The following PATE2 variants were observed in gnomAD, a reference collection of about 807,000 sequenced individuals.
The protein encoded by PATE2 is prostate and testis expressed protein 2.
A neutral mutation model predicts 10.5 loss-of-function variants in PATE2; 7 were observed. That is an observed-to-expected ratio of 0.66 (90% CI 0.38 to 1.25). The LOEUF (loss-of-function observed/expected upper bound fraction) is 1.25, where lower values mean the gene tolerates loss of function less well. Among genes scored for constraint, PATE2 ranks in the 50% most tolerant of loss-of-function variants. The pLI, the probability that PATE2 is intolerant of heterozygous loss-of-function variation, is 0.02. For missense variants in PATE2, 133 were observed against 135.4 expected, an observed-to-expected ratio of 0.98 and a Z score of 0.09; for synonymous variants, 44 against 46.9, an observed-to-expected ratio of 0.94 and a Z score of 0.25.
chr11:125,778,013 C>CA lies in PATE2; in HGVS notation c.77-12dup. On this transcript the variant is annotated splice_polypyrimidine_tract_variant and intron_variant, in intron 2 of 3. Coordinates refer to ENST00000358524, the MANE Select transcript of PATE2 (RefSeq NM_212555.3). ...ACATTATTTCAGTCGCTGCCAGATA[C>CA]AAAAAGAGGTGCTTAGAGGATGCAG... 1 of 1,611,420 alleles carries CA rather than the reference C, an allele frequency of 6.2e-7. No homozygotes were observed. The highest frequency in any genetic ancestry group is 8.5e-7 in the Non-Finnish European group (1 of 1,179,016).
chr11:125,778,560 G>C lies in PATE2; in HGVS notation c.68C>G (p.Pro23Arg). The change falls in exon 2 of 4, where the codon CCT (proline) becomes CGT (arginine). Residue 23 changes from proline (P) to arginine (R), a missense_variant. Transcript: ENST00000358524. ...LCPYWGELHD[P>R]IKATEIMCYE... Reference sequence around the variant, plus strand: ...AGAAGCCATGATTGTACCTTTTATAGGGTCATGAAGTTCACCTGTGAAAAG... The same window carrying C: ...AGAAGCCATGATTGTACCTTTTATACGGTCATGAAGTTCACCTGTGAAAAG... 6.2e-7 allele frequency: 1 copy of C among 1,613,478 alleles called. No individual in the cohort carries two copies. The highest frequency in any genetic ancestry group is 8.5e-7 in the Non-Finnish European group (1 of 1,179,580).
chr11:125,777,335 G>T lies in PATE2; in HGVS notation c.*47C>A. 6.3e-7 allele frequency: 1 copy of T among 1,596,512 alleles called. No individual in the cohort carries two copies. The highest frequency in any genetic ancestry group is 8.6e-7 in the Non-Finnish European group (1 of 1,166,624). ...AATTCAGGTTCAGGGAAGAGAAAAA[G>T]AGCGTAGTGGTTGAAAAAGAACCCA... On this transcript the variant is annotated 3_prime_UTR_variant, in exon 4 of 4. Coordinates refer to ENST00000358524, the MANE Select transcript of PATE2 (RefSeq NM_212555.3).
Position 125,778,691 on chromosome 11 carries a change from C to T in PATE2, c.52+31G>A. 5 of 1,613,446 alleles carry T rather than the reference C, an allele frequency of 3.1e-6. No individual in the cohort carries two copies. In the East Asian group the frequency reaches 1.1e-4, roughly 36 times the overall value. ...AGCATCTGTCCGTCTCTTAACCAAC[C>T]ACCAGCTTCCCCTCTGTCTCCAGGA... is the stretch of plus-strand genomic sequence containing the variant. On this transcript the variant is annotated intron_variant, in intron 1 of 3. Transcript: ENST00000358524.
At chr11:125,777,601 T>G (rs1943498190) in intron 3 of PATE2, 83 bp from the exon 4 acceptor site, 1 of 1,543,024 alleles carries the variant, frequency 6.5e-7, no homozygotes, top group Non-Finnish European at 8.9e-7. Context: ...TGTTTTTGTG[T>G]CCTCACTAAC....
At position 125,778,585 on chromosome 11, in the gene PATE2, G is replaced by C. The variant is rs1229917107; in HGVS notation, c.53-10C>G. 1.2e-6 allele frequency: 2 copies of C among 1,613,366 alleles called. No individual in the cohort carries two copies. Among genetic ancestry groups the C allele is most frequent in the African/African-American group, 1.3e-5 (1 of 74,984 alleles). ...GGGTCATGAAGTTCACCTGTGAAAA[G>C]AAGAAAAACCTTCCATGTTACAGTC... On this transcript the variant is annotated splice_polypyrimidine_tract_variant and intron_variant, in intron 1 of 3. Transcript: ENST00000358524.
Position 125,776,625 on chromosome 11 carries a change from A to G in PATE2, c.*757T>C, listed in dbSNP as rs1471284613. The G allele has an allele frequency of 6.6e-6, 1 of 152,232 alleles. No individual in the cohort carries two copies. The highest frequency in any genetic ancestry group is 1.5e-5 in the Non-Finnish European group (1 of 68,072). The allele number at this position is 152,232 out of a possible 1,614,324, so 9.4% of individuals were successfully genotyped here. A position where few individuals can be genotyped will look rare whatever the true frequency, so the allele number is the denominator to read the frequency against. On this transcript the variant is annotated 3_prime_UTR_variant, in exon 4 of 4. Transcript: ENST00000358524. ...TTTGTTTGCTCAGTCCCATGAGAAG[A>G]ACCTGACTAGCCATCCTTAAAAAAA...
At chr11:125,778,601 T>C (rs775654282) in intron 1 of PATE2, 26 bp from the exon 2 acceptor site, 4 of 1,613,072 alleles carry the variant, frequency 2.5e-6, no homozygotes, top group East Asian at 2.2e-5. Context: ...AAACCTTCCA[T>C]GTTACAGTCT....
intron 2 of PATE2, 61 bp downstream of exon 2, chr11:125,778,491 G>A: frequency 6.5e-7 from 1 of 1,547,056 alleles, no homozygotes; most frequent in Non-Finnish European, 8.9e-7. Context: ...GGAAAGGTTT[G>A]CTCCTAAACA....
rs571707296 is a variant in PATE2, at chr11:125,776,415, C to G, written c.*967G>C. On this transcript the variant is annotated 3_prime_UTR_variant, in exon 4 of 4. Transcript: ENST00000358524. ...AATGCTACTCAGTTTCTCTTCCTAT[C>G]TGTTTCTGTGTCTTCCTTCTTCTCT... The G allele has an allele frequency of 6.6e-6, 1 of 152,368 alleles. No homozygotes were observed. Among genetic ancestry groups the G allele is most frequent in the Non-Finnish European group, 1.5e-5 (1 of 68,090 alleles). 9.4% of individuals were successfully genotyped at this position (152,368 alleles called of 1,614,324 possible).
intron 3 of PATE2, 117 bp from the exon 4 acceptor site, chr11:125,777,635 C>A: frequency 7.4e-7 from 1 of 1,350,530 alleles, no homozygotes; most frequent in Non-Finnish European, 1.0e-6. Flanking sequence ...CAAATGAGTT[C>A]CAAAGCTGAG....
At position 125,777,014 on chromosome 11, in the gene PATE2, GA is replaced by G; in HGVS notation, c.*367del. The G allele has an allele frequency of 6.1e-6, 1 of 163,520 alleles. No homozygotes were observed. Among genetic ancestry groups the G allele is most frequent in the South Asian group, 1.8e-4 (1 of 5,484 alleles). The allele number at this position is 163,520 out of a possible 1,614,324, so 10.1% of individuals were successfully genotyped here. A position where few individuals can be genotyped will look rare whatever the true frequency, so the allele number is the denominator to read the frequency against. On this transcript the variant is annotated 3_prime_UTR_variant, in exon 4 of 4. Coordinates refer to ENST00000358524, the MANE Select transcript of PATE2 (RefSeq NM_212555.3). The stretch of plus-strand genomic sequence containing the variant: ...AACGGAGAGGAGTGTGTGTGTAGAT[GA>G]GGATAGAGGATAGTCACAGAATTCT...
At position 125,777,191 on chromosome 11, in the gene PATE2, G is replaced by C. The variant is rs1046603303; in HGVS notation, c.*191C>G. ...AGCGACAGGGATGTGCAAAGAGTGA[G>C]TCTAGTGCTCCATCATCAATAGGCT... On this transcript the variant is annotated 3_prime_UTR_variant, in exon 4 of 4. Coordinates refer to ENST00000358524, the MANE Select transcript of PATE2 (RefSeq NM_212555.3). 1.7e-6 allele frequency: 1 copy of C among 601,140 alleles called. No homozygotes were observed. Among genetic ancestry groups the C allele is most frequent in the Non-Finnish European group, 2.8e-6 (1 of 354,066 alleles). 37.2% of individuals were successfully genotyped at this position (601,140 alleles called of 1,614,324 possible).
chr11:125,776,331 AG>A lies in PATE2; in HGVS notation c.*1050del, dbSNP rs1191655519. ...TCAGCCTTATAAGGACAGAAACACC[AG>A]GGTTAGTGTGTATCCAAGGAAAATG... On this transcript the variant is annotated 3_prime_UTR_variant, in exon 4 of 4. Coordinates refer to ENST00000358524, the MANE Select transcript of PATE2 (RefSeq NM_212555.3). 6.6e-6 allele frequency: 1 copy of A among 152,158 alleles called. No individual in the cohort carries two copies. Among genetic ancestry groups the A allele is most frequent in the Admixed American group, 6.5e-5 (1 of 15,268 alleles). 9.4% of individuals were successfully genotyped at this position (152,158 alleles called of 1,614,324 possible). A position where few individuals can be genotyped will look rare whatever the true frequency, so the allele number is the denominator to read the frequency against.
chr11:125,777,264 G>A lies in PATE2; in HGVS notation c.*118C>T, dbSNP rs1376364793. ...TTATGCCTGCTTGTCTTTTCACTAT[G>A]AGCTGGCTTTCTCACTCTCTACCAA... On this transcript the variant is annotated 3_prime_UTR_variant, in exon 4 of 4. Coordinates refer to ENST00000358524, the MANE Select transcript of PATE2 (RefSeq NM_212555.3). The A allele has an allele frequency of 1.1e-5, 14 of 1,247,480 alleles. No individual in the cohort carries two copies. The highest frequency in any genetic ancestry group is 1.0e-4 in the South Asian group (7 of 67,054). 77.3% of individuals were successfully genotyped at this position (1,247,480 alleles called of 1,614,324 possible).
At position 125,776,783 on chromosome 11, in the gene PATE2, A is replaced by AT. The variant is rs967414290; in HGVS notation, c.*598dup. 6.6e-6 allele frequency: 1 copy of AT among 152,176 alleles called. No homozygotes were observed. Among genetic ancestry groups the AT allele is most frequent in the Admixed American group, 6.5e-5 (1 of 15,270 alleles). The allele number at this position is 152,176 out of a possible 1,614,324, so 9.4% of individuals were successfully genotyped here. ...CAGATCTTAGTTTTTACCAGTTGAAATGCCCCCTGAAGTTTTCTTTGATGC... is the reference window on the plus strand; with the variant it reads ...CAGATCTTAGTTTTTACCAGTTGAAATTGCCCCCTGAAGTTTTCTTTGATGC... On this transcript the variant is annotated 3_prime_UTR_variant, in exon 4 of 4. Coordinates refer to ENST00000358524, the MANE Select transcript of PATE2 (RefSeq NM_212555.3).
chr11:125,777,849 C>T, intron 3 of PATE2, 25 bp downstream of exon 3: 1 of 1,609,814 alleles, frequency 6.2e-7, no homozygotes, highest in Non-Finnish European at 8.5e-7. Context: ...TGGTGATTTT[C>T]CAGTCACTCT....
In PATE2 at chr11:125,778,482, G is replaced by C; in HGVS notation, c.76+70C>G. 6 of 1,518,232 alleles carry C rather than the reference G, an allele frequency of 4.0e-6. 1 individual carries two copies. The highest frequency in any genetic ancestry group is 3.4e-5 in the South Asian group (3 of 87,998). The allele number at this position is 1,518,232 out of a possible 1,614,324, so 94.0% of individuals were successfully genotyped here. On this transcript the variant is annotated intron_variant, in intron 2 of 3. Transcript: ENST00000358524. ...ATTACAGGCCTCTCTGAAGATGAAG[G>C]AAAGGTTTGCTCCTAAACATGTCAC...
intron 2 of PATE2, among the ~76,000 whole-genome samples, chr11:125,778,290 T>A (rs986156867): frequency 1.3e-5 from 2 of 152,156 alleles, no homozygotes; most frequent in African/African-American, 2.4e-5. Context: ...AGGGTTCCCA[T>A]GAAATTTATC....
intron 3 of PATE2, 111 bp from the exon 4 acceptor site, chr11:125,777,629 T>C: frequency 1.4e-6 from 2 of 1,393,008 alleles, no homozygotes; most frequent in South Asian, 1.3e-5. Flanking sequence ...TAGGCCCAAA[T>C]GAGTTCCAAA....
Sources: gnomAD v4.1 joint callset for allele counts (sites outside exome capture counted in the v4.1 genomes callset) on GRCh38, gnomAD v4.1.1 for gene constraint, MANE v1.5 for transcripts, NCBI Gene and HGNC (gene_info 2026-07-23, HGNC 2026-07-21) for gene names.